Variants in PTDSS1 observed in about 807,000 individuals in gnomAD.
The protein encoded by PTDSS1 is phosphatidylserine synthase 1.
Under a neutral mutation model 70.5 loss-of-function variants are expected in PTDSS1, and 45 were observed. The ratio of observed to expected loss-of-function variants is 0.64; its 90% CI spans 0.50 to 0.82. The LOEUF is 0.82. Ranked by LOEUF, PTDSS1 falls within the 40% of genes least tolerant of loss-of-function variation. PTDSS1 has a pLI of 0.00. For missense variants in PTDSS1, 417 were observed against 586.1 expected (o/e 0.71, Z 2.98); for synonymous variants, 188 against 203.8 (o/e 0.92, Z 0.66).
At chr8:96,331,676 C>T (rs965405942) in intron 12 of PTDSS1, among the ~76,000 whole-genome samples, 1 of 152,084 alleles carries the variant, frequency 6.6e-6, no homozygotes, top group Admixed American at 6.5e-5. Context: ...GTAGCTCTGC[C>T]CTTCGTGAGG....
At chr8:96,330,627 G>C (rs1433644773) in intron 11 of PTDSS1, 1 of 384,986 alleles carries the variant, frequency 2.6e-6, no homozygotes, top group African/African-American at 2.0e-5. Context: ...GCCTCTTCCT[G>C]TGTTCCGGCC....
intron 9 of PTDSS1, among the ~76,000 whole-genome samples, chr8:96,312,589 C>G (rs1811228568): frequency 6.6e-6 from 1 of 152,006 alleles, no homozygotes; most frequent in Non-Finnish European, 1.5e-5. Context: ...GGAGAGATCA[C>G]TGGGCTTAGT....
At chr8:96,305,403 C>T (rs1170104371) in intron 7 of PTDSS1, among the ~76,000 whole-genome samples, 1 of 152,198 alleles carries the variant, frequency 6.6e-6, no homozygotes, top group Non-Finnish European at 1.5e-5. Context: ...TCTCCTAGCA[C>T]AGTGACCGTT....
Position 96,304,145 on chromosome 8 carries a change from A to G in PTDSS1, c.858A>G (p.Arg286=), listed in dbSNP as rs749275787. The change falls in exon 7 of 13, where the codon AGA becomes AGG. Residue 286 remains arginine, a synonymous_variant. Coordinates refer to ENST00000517309, the MANE Select transcript of PTDSS1 (RefSeq NM_014754.3). ...TTGACCCCAAATCTTCTTTTCAGAG[A>G]GTAGCTGGAGTGTACCTTTTCATGA... ...RWFDPKSSFQ[R]VAGVYLFMII... 1 of 1,613,818 alleles carries G rather than the reference A, an allele frequency of 6.2e-7. No individual in the cohort carries two copies. Among genetic ancestry groups the G allele is most frequent in the South Asian group, 1.1e-5 (1 of 91,008 alleles).
chr8:96,288,654 G>T (rs1184438104), intron 4 of PTDSS1, among the ~76,000 whole-genome samples: 1 of 125,732 alleles, frequency 8.0e-6, no homozygotes, highest in Non-Finnish European at 1.6e-5. Flanking sequence ...TTTTGAGATG[G>T]TGCCTCACTC....
intron 5 of PTDSS1, among the ~76,000 whole-genome samples, chr8:96,295,909 T>A (rs947560829): frequency 6.6e-6 from 1 of 152,116 alleles, no homozygotes; most frequent in Non-Finnish European, 1.5e-5. Context: ...GCCAACTAGA[T>A]GTGGCTTCTG....
At chr8:96,280,643 G>A (rs1810722592) in intron 2 of PTDSS1, among the ~76,000 whole-genome samples, 1 of 152,164 alleles carries the variant, frequency 6.6e-6, no homozygotes, top group Non-Finnish European at 1.5e-5. Flanking sequence ...GTTTTTAAAT[G>A]TCCCTCATAA....
At position 96,287,141 on chromosome 8, in the gene PTDSS1, G is replaced by A. The variant is rs1810834385; in HGVS notation, c.436G>A (p.Val146Ile). ...TCGATACGCCACAAGGGAAGCAGAT[G>A]TCATGGTATGTACTTGTCAGTGGCC... ...NLRYATREAD[V>I]MEYAVNCHVI... Residue 146 changes from valine (V) to isoleucine (I), a missense_variant, in exon 4 of 13, where the codon GTC becomes ATC. This residue lies in a region of PTDSS1 where 272 missense variants were observed against 429.5 expected (regional missense o/e 0.63). Transcript: ENST00000517309. 4 of 1,614,052 alleles carry A rather than the reference G, an allele frequency of 2.5e-6. No individual in the cohort carries two copies. The highest frequency in any genetic ancestry group is 3.3e-5 in the Admixed American group (2 of 60,004).
At chr8:96,311,253 G>A (rs7824817) in intron 9 of PTDSS1, among the ~76,000 whole-genome samples, 140,148 of 152,150 alleles carry the variant, frequency 0.92, 64,855 homozygotes, top group Non-Finnish European at 0.96. Flanking sequence ...CAGCAAATCT[G>A]TACATGAAGT....
intron 4 of PTDSS1, among the ~76,000 whole-genome samples, chr8:96,291,671 T>C (rs934665884): frequency 6.6e-6 from 1 of 152,212 alleles, no homozygotes; most frequent in African/African-American, 2.4e-5. Flanking sequence ...AGAAACCACA[T>C]TGCTTATTCT....
intron 2 of PTDSS1, among the ~76,000 whole-genome samples, chr8:96,283,167 C>A (rs931997061): frequency 1.3e-5 from 2 of 152,186 alleles, no homozygotes; most frequent in Non-Finnish European, 2.9e-5. Context: ...CTCCTGAGGC[C>A]AAGCCTGGCA....
At chr8:96,324,345 A>G (rs1301298161) in intron 10 of PTDSS1, among the ~76,000 whole-genome samples, 2 of 152,174 alleles carry the variant, frequency 1.3e-5, no homozygotes, top group African/African-American at 4.8e-5. Context: ...CCCATTAGCC[A>G]GTTCAAAAGC....
Position 96,286,142 on chromosome 8 carries a change from G to A in PTDSS1, c.317-880G>A, listed in dbSNP as rs528308143. Among the ~76,000 whole-genome samples the A allele has an allele frequency of 1.7e-4, 26 of 152,248 alleles. No individual in the cohort carries two copies. In the South Asian group the frequency reaches 5.4e-3, roughly 32 times the overall value. On this transcript the variant is annotated intron_variant, in intron 3 of 12. Transcript: ENST00000517309. ...CTGGAGTGGCTCACTGGAGATTAGT[G>A]CTGAGCCAAGTTTGGATGGATGCTG...
Position 96,295,029 on chromosome 8 carries a change from C to T in PTDSS1, c.442-69C>T, listed in dbSNP as rs544083775. ...AGTTCATATCTATTCTTTTTATTTA[C>T]CGGCAGAATCCTGGAAGCAAGTTGA... On this transcript the variant is annotated intron_variant, in intron 4 of 12. Coordinates refer to ENST00000517309, the MANE Select transcript of PTDSS1 (RefSeq NM_014754.3). 2.1e-6 allele frequency: 3 copies of T among 1,418,300 alleles called. No homozygotes were observed. The African/African-American group carries it at 4.3e-5, about 20-fold the overall frequency. The allele number at this position is 1,418,300 out of a possible 1,614,324, so 87.9% of individuals were successfully genotyped here. A position where few individuals can be genotyped will look rare whatever the true frequency, so the allele number is the denominator to read the frequency against.
At chr8:96,321,377 CCTTTT>C (rs1811370636) in intron 10 of PTDSS1, among the ~76,000 whole-genome samples, 1 of 152,194 alleles carries the variant, frequency 6.6e-6, no homozygotes. Flanking sequence ...AAATTACTAA[CCTTTT>C]CTTAAAGGTT....
At chr8:96,313,386 C>T (rs1044307059) in intron 9 of PTDSS1, among the ~76,000 whole-genome samples, 2 of 152,184 alleles carry the variant, frequency 1.3e-5, no homozygotes, top group Non-Finnish European at 2.9e-5. Flanking sequence ...CATGATGTTC[C>T]TTCAGCTCGG....
chr8:96,332,308 GA>G (rs1811528833), intron 12 of PTDSS1, among the ~76,000 whole-genome samples: 1 of 152,174 alleles, frequency 6.6e-6, no homozygotes, highest in African/African-American at 2.4e-5. Flanking sequence ...CTTGGCTGAA[GA>G]AAGAAAATTA....
chr8:96,295,949 A>G (rs555593639), intron 5 of PTDSS1, among the ~76,000 whole-genome samples: 1 of 152,032 alleles, frequency 6.6e-6, no homozygotes, highest in Admixed American at 6.6e-5. Flanking sequence ...TCTGGAGGCC[A>G]GAAGTCCAAG....
At chr8:96,299,565 T>C in intron 5 of PTDSS1, 129 bp from the exon 6 acceptor site, 1 of 1,024,470 alleles carries the variant, frequency 9.8e-7, no homozygotes, top group Non-Finnish European at 1.4e-6. Flanking sequence ...TTATTTTCTG[T>C]ACATTAGGAA....
Sources: gnomAD v4.1 joint callset for allele counts (sites outside exome capture counted in the v4.1 genomes callset) on GRCh38, gnomAD v4.1.1 for gene constraint, gnomAD v4.1.1 regional missense constraint, MANE v1.5 for transcripts, NCBI Gene and HGNC (gene_info 2026-07-23, HGNC 2026-07-21) for gene names.